Variants in MAN1A2 observed in about 807,000 individuals in gnomAD.
The protein encoded by MAN1A2 is mannosyl-oligosaccharide 1,2-alpha-mannosidase IB.
Under a neutral mutation model 75.7 loss-of-function variants are expected in MAN1A2, and 26 were observed. The ratio of observed to expected loss-of-function variants is 0.34; its 90% CI spans 0.25 to 0.48. MAN1A2 has a LOEUF of 0.48. MAN1A2 is among the 20% of genes least tolerant of loss of function. The pLI, the probability that MAN1A2 is intolerant of heterozygous loss-of-function variation, is 0.99. For synonymous variants in MAN1A2, 247 were observed against 264.6 expected (o/e 0.93, Z 0.65); for missense variants, 562 against 775.5 (o/e 0.72, Z 3.27).
chr1:117,470,151 G>A (rs1381078275), intron 8 of MAN1A2, among the ~76,000 whole-genome samples: 1 of 152,082 alleles, frequency 6.6e-6, no homozygotes, highest in Non-Finnish European at 1.5e-5. Flanking sequence ...ATGGAGTTCT[G>A]ATACATGCTA....
At chr1:117,479,980 A>G (rs954040802) in intron 8 of MAN1A2, among the ~76,000 whole-genome samples, 5 of 151,680 alleles carry the variant, frequency 3.3e-5, no homozygotes, top group African/African-American at 1.2e-4. Context: ...CTTCCTGAGT[A>G]CTCTACTAAA....
At chr1:117,447,510 A>AT (rs2101819888) in intron 6 of MAN1A2, among the ~76,000 whole-genome samples, 1 of 152,130 alleles carries the variant, frequency 6.6e-6, no homozygotes, top group South Asian at 2.1e-4. Context: ...AATTAAATAC[A>AT]TTTTTTCTGT....
intron 6 of MAN1A2, among the ~76,000 whole-genome samples, chr1:117,445,864 G>GCGTATA (rs1649210202): frequency 1.0e-5 from 1 of 99,450 alleles, no homozygotes; most frequent in Non-Finnish European, 2.4e-5. Flanking sequence ...GTGTGTATGT[G>GCGTATA]TGTGTGTGTC....
rs576438818 is a variant in MAN1A2 at position 117,374,831 on chromosome 1, A to C, written c.302+6346A>C. 4.6e-5 allele frequency among the ~76,000 whole-genome samples: 7 copies of C among 152,272 alleles called. No homozygotes were observed. In the East Asian group the frequency reaches 7.7e-4, roughly 17 times the overall value. On this transcript the variant is annotated intron_variant, in intron 1 of 12. Coordinates refer to ENST00000356554, the MANE Select transcript of MAN1A2 (RefSeq NM_006699.5). ...TGAAGAGTGTGCAGTAATTTAGTTC[A>C]TACATCTCAAATATTACAAAGATAA...
At chr1:117,370,176 G>GAT (rs1557921676) in intron 1 of MAN1A2, among the ~76,000 whole-genome samples, 2 of 152,082 alleles carry the variant, frequency 1.3e-5, no homozygotes, top group Non-Finnish European at 2.9e-5. Context: ...GAAGCCCTTG[G>GAT]ATATATATGC....
rs115213321 is a variant in MAN1A2 at position 117,401,200 on chromosome 1, C to T, written c.303-986C>T. Among the ~76,000 whole-genome samples, 1,216 of 150,482 alleles carry T rather than the reference C, an allele frequency of 8.1e-3. 27 individuals carry two copies. The highest frequency in any genetic ancestry group is 0.028 in the African/African-American group (1,160 of 40,822). On this transcript the variant is annotated intron_variant, in intron 1 of 12. Transcript: ENST00000356554. ...GTCTTTATTTCTCTGAGATAAATGC[C>T]GAGAAGTGCATTTGCAGGATTCTAT... is the stretch of plus-strand genomic sequence containing the variant.
intron 3 of MAN1A2, among the ~76,000 whole-genome samples, chr1:117,410,192 T>A (rs1570720456): frequency 6.6e-6 from 1 of 151,956 alleles, no homozygotes; most frequent in African/African-American, 2.4e-5. Flanking sequence ...CCTGTGGATA[T>A]GTAACTGGTG....
At chr1:117,385,555 G>A (rs1031072925) in intron 1 of MAN1A2, among the ~76,000 whole-genome samples, 3 of 152,098 alleles carry the variant, frequency 2.0e-5, no homozygotes, top group Admixed American at 6.5e-5. Flanking sequence ...ATGGATCAAA[G>A]TTTTATGTTC....
chr1:117,417,963 T>A (rs990380426), intron 4 of MAN1A2, among the ~76,000 whole-genome samples: 1 of 151,894 alleles, frequency 6.6e-6, no homozygotes, highest in African/African-American at 2.4e-5. Flanking sequence ...GGAGGATTGC[T>A]TGAGCCCAGG....
At chr1:117,392,283 C>T (rs1204126815) in intron 1 of MAN1A2, among the ~76,000 whole-genome samples, 1 of 151,854 alleles carries the variant, frequency 6.6e-6, no homozygotes, top group Non-Finnish European at 1.5e-5. Flanking sequence ...TGTCTTTGTA[C>T]ACTCTGCTAT....
At chr1:117,479,911 C>T (rs1650440592) in intron 8 of MAN1A2, among the ~76,000 whole-genome samples, 1 of 151,790 alleles carries the variant, frequency 6.6e-6, no homozygotes, top group South Asian at 2.1e-4. Context: ...TGACCTGTTT[C>T]TTGTTTTGCT....
intron 6 of MAN1A2, among the ~76,000 whole-genome samples, chr1:117,456,925 C>T (rs945420322): frequency 1.3e-5 from 2 of 152,008 alleles, no homozygotes; most frequent in African/African-American, 2.4e-5. Context: ...AATGAAGATA[C>T]TTCAACTTAA....
intron 6 of MAN1A2, among the ~76,000 whole-genome samples, chr1:117,455,768 A>G (rs1649562475): frequency 1.3e-5 from 2 of 151,944 alleles, no homozygotes; most frequent in Admixed American, 6.6e-5. Flanking sequence ...TGATTGGAAG[A>G]GGTAGAGGGC....
At chr1:117,518,872 C>A (rs190898433) in intron 12 of MAN1A2, among the ~76,000 whole-genome samples, 1 of 152,062 alleles carries the variant, frequency 6.6e-6, no homozygotes, top group Non-Finnish European at 1.5e-5. Context: ...ATCCAATAAC[C>A]GCAGAATACA....
rs1653894203 is a variant in MAN1A2 at position 117,395,996 on chromosome 1, G to A, written c.303-6190G>A. 2.0e-5 allele frequency among the ~76,000 whole-genome samples: 3 copies of A among 152,242 alleles called. No individual in the cohort carries two copies. The South Asian group carries it at 6.2e-4, about 31-fold the overall frequency. On this transcript the variant is annotated intron_variant, in intron 1 of 12. Transcript: ENST00000356554. ...TCCTTTTCCCATGGAGTCAGGACAT[G>A]TTCTTCCAGCACCAATGTGTGACAG...
intron 5 of MAN1A2, among the ~76,000 whole-genome samples, chr1:117,421,020 A>C (rs1337691341): frequency 6.6e-6 from 1 of 152,068 alleles, no homozygotes; most frequent in African/African-American, 2.4e-5. Context: ...TAAGACCAAA[A>C]ATTAGTAATT....
At chr1:117,486,153 GA>G (rs138559561) in intron 8 of MAN1A2, among the ~76,000 whole-genome samples, 21,497 of 151,910 alleles carry the variant, frequency 0.14, 1,732 homozygotes, top group South Asian at 0.22. Context: ...ATAGAAGCTG[GA>G]CATGACAATA....
At chr1:117,425,311 C>T (rs1648328807) in intron 5 of MAN1A2, among the ~76,000 whole-genome samples, 1 of 152,040 alleles carries the variant, frequency 6.6e-6, no homozygotes, top group Non-Finnish European at 1.5e-5. Flanking sequence ...ATGTAAATTT[C>T]TCCAGAAAAA....
intron 3 of MAN1A2, among the ~76,000 whole-genome samples, chr1:117,408,147 C>T (rs974741886): frequency 2.0e-5 from 3 of 152,034 alleles, no homozygotes; most frequent in Admixed American, 2.0e-4. Flanking sequence ...TGGCTGGGTG[C>T]AGTGGCACAT....
Sources: gnomAD v4.1 joint callset for allele counts (sites outside exome capture counted in the v4.1 genomes callset) on GRCh38, gnomAD v4.1.1 for gene constraint, MANE v1.5 for transcripts, NCBI Gene and HGNC (gene_info 2026-07-23, HGNC 2026-07-21) for gene names.